The following HS3ST5 variants were observed in gnomAD, a reference collection of about 807,000 sequenced individuals.
HS3ST5 encodes the protein heparan sulfate glucosamine 3-O-sulfotransferase 5.
HS3ST5 carries 10 observed loss-of-function variants against 25.4 expected under a neutral mutation model. The observed-to-expected ratio is 0.39, with a 90% confidence interval of 0.24 to 0.67. HS3ST5 has a LOEUF of 0.67. HS3ST5 is among the 30% of genes least tolerant of loss of function. The pLI is 0.44. For synonymous variants in HS3ST5, 170 were observed against 162.4 expected (o/e 1.05, Z -0.36); for missense variants, 324 against 420.7 (o/e 0.77, Z 2.01).
At chr6:114,250,647 T>C (rs1772617679) in intron 1 of HS3ST5, among the ~76,000 whole-genome samples, 1 of 152,074 alleles carries the variant, frequency 6.6e-6, no homozygotes, top group Admixed American at 6.5e-5. Flanking sequence ...ATAACAAATA[T>C]ACTGCAAACT....
chr6:114,207,247 T>C, intron 2 of HS3ST5, among the ~76,000 whole-genome samples: 1 of 152,174 alleles, frequency 6.6e-6, no homozygotes, highest in Middle Eastern at 3.2e-3. Flanking sequence ...TTTGTAATTC[T>C]GCAATTTAGT....
At chr6:114,082,487 C>T (rs1774510853) in intron 3 of HS3ST5, among the ~76,000 whole-genome samples, 1 of 152,088 alleles carries the variant, frequency 6.6e-6, no homozygotes, top group African/African-American at 2.4e-5. Flanking sequence ...ATCCAGGAGG[C>T]AAAACACCTT....
At chr6:114,297,114 G>A (rs939581837) in intron 1 of HS3ST5, among the ~76,000 whole-genome samples, 5 of 152,152 alleles carry the variant, frequency 3.3e-5, no homozygotes, top group African/African-American at 9.7e-5. Flanking sequence ...GAGATGGACA[G>A]AGGCCCAGAG....
At chr6:114,332,470 G>A (rs1454495626) in intron 1 of HS3ST5, among the ~76,000 whole-genome samples, 2 of 152,276 alleles carry the variant, frequency 1.3e-5, no homozygotes, top group Admixed American at 1.3e-4. Context: ...CACAGTACCT[G>A]TTCAATGTAT....
At chr6:114,313,306 C>T (rs914995520) in intron 1 of HS3ST5, among the ~76,000 whole-genome samples, 2 of 152,022 alleles carry the variant, frequency 1.3e-5, no homozygotes, top group African/African-American at 2.4e-5. Flanking sequence ...GGAGATATAC[C>T]GTACATGCAA....
chr6:114,303,589 G>A (rs966767306), intron 1 of HS3ST5, among the ~76,000 whole-genome samples: 2 of 151,862 alleles, frequency 1.3e-5, no homozygotes, highest in African/African-American at 4.8e-5. Flanking sequence ...GAAGAAGAAA[G>A]TACTCAAGGA....
chr6:114,264,465 T>C (rs1773316404), intron 1 of HS3ST5, among the ~76,000 whole-genome samples: 1 of 152,226 alleles, frequency 6.6e-6, no homozygotes, highest in South Asian at 2.1e-4. Flanking sequence ...CATTATAATA[T>C]GTATTATATT....
intron 1 of HS3ST5, among the ~76,000 whole-genome samples, chr6:114,299,514 C>T (rs991447422): frequency 2.0e-5 from 3 of 152,124 alleles, no homozygotes; most frequent in Non-Finnish European, 4.4e-5. Flanking sequence ...GCTGGTTTTA[C>T]GGCTCCTGGG....
At chr6:114,107,782 G>T (rs11967410) in intron 3 of HS3ST5, among the ~76,000 whole-genome samples, 19,174 of 152,158 alleles carry the variant, frequency 0.13, 1,290 homozygotes, top group Middle Eastern at 0.21. Context: ...AAATAAATTT[G>T]ACAAAGAATA....
Position 114,057,446 on chromosome 6 carries a change from T to G in HS3ST5, c.852A>C (p.Leu284Phe). 6.2e-7 allele frequency: 1 copy of G among 1,614,200 alleles called. No individual in the cohort carries two copies. The highest frequency in any genetic ancestry group is 8.5e-7 in the Non-Finnish European group (1 of 1,180,030). Residue 284 changes from leucine to phenylalanine, a missense_variant, in exon 5 of 5, where the codon TTA becomes TTC. Leu to Phe is a conservative substitution (Grantham distance 22, BLOSUM62 0). Transcript: ENST00000312719. ...AAAACCCTCTGGTAGCATTGAAGTA[T>G]AAATTGTATTGACTTATCCTTGGAG... is the stretch of plus-strand genomic sequence containing the variant. The part of the protein sequence containing the change: ...NLPPRISQYN[L>F]YFNATRGFYC...
chr6:114,129,547 G>A (rs1048661255), intron 3 of HS3ST5, among the ~76,000 whole-genome samples: 10 of 152,228 alleles, frequency 6.6e-5, no homozygotes, highest in East Asian at 1.9e-4. Flanking sequence ...GAGCCACCGC[G>A]CCCAGCCAAG....
intron 1 of HS3ST5, among the ~76,000 whole-genome samples, chr6:114,297,746 T>C (rs1292531791): frequency 6.6e-6 from 1 of 152,212 alleles, no homozygotes; most frequent in South Asian, 2.1e-4. Flanking sequence ...ACAAGGTATC[T>C]ACACAATTTT....
intron 2 of HS3ST5, among the ~76,000 whole-genome samples, chr6:114,221,062 A>G (rs1215560694): frequency 6.6e-6 from 1 of 152,056 alleles, no homozygotes; most frequent in Non-Finnish European, 1.5e-5. Context: ...TAACTGGCAC[A>G]GGGACTTGCA....
At chr6:114,102,372 T>TG (rs1265522554) in intron 3 of HS3ST5, among the ~76,000 whole-genome samples, 1 of 152,152 alleles carries the variant, frequency 6.6e-6, no homozygotes, top group Non-Finnish European at 1.5e-5. Flanking sequence ...GGCACTGAAA[T>TG]GGGAGCTGAT....
intron 1 of HS3ST5, among the ~76,000 whole-genome samples, chr6:114,315,526 C>T (rs946309891): frequency 6.6e-6 from 1 of 152,076 alleles, no homozygotes; most frequent in African/African-American, 2.4e-5. Flanking sequence ...ATATTTTAAT[C>T]ATTTCATCTG....
chr6:114,085,838 G>T (rs1774771268), intron 3 of HS3ST5, among the ~76,000 whole-genome samples: 1 of 151,316 alleles, frequency 6.6e-6, no homozygotes, highest in South Asian at 2.1e-4. Context: ...CAGTGAGGGT[G>T]ATATAAATGA....
chr6:114,298,573 A>G (rs1774927899), intron 1 of HS3ST5, among the ~76,000 whole-genome samples: 1 of 152,192 alleles, frequency 6.6e-6, no homozygotes, highest in Non-Finnish European at 1.5e-5. Context: ...GCCAAGTGTT[A>G]GAGTCAGGAT....
chr6:114,214,227 G>T (rs1172378838), intron 2 of HS3ST5, among the ~76,000 whole-genome samples: 1 of 152,196 alleles, frequency 6.6e-6, no homozygotes, highest in Non-Finnish European at 1.5e-5. Context: ...CAGAGTTCCT[G>T]TTATACCCTT....
intron 2 of HS3ST5, among the ~76,000 whole-genome samples, chr6:114,185,256 C>T (rs185273607): frequency 6.6e-5 from 10 of 152,248 alleles, no homozygotes; most frequent in African/African-American, 1.9e-4. Context: ...TGATAAAATG[C>T]GTTGAGCTTT....
Sources: allele counts gnomAD v4.1 joint callset (sites outside exome capture counted in the v4.1 genomes callset), GRCh38; gene constraint gnomAD v4.1.1; transcripts MANE v1.5; gene names NCBI Gene and HGNC (gene_info 2026-07-23, HGNC 2026-07-21).